The following DNAH8 variants were observed in gnomAD, a reference collection of about 807,000 sequenced individuals.
DNAH8 encodes the protein axonemal beta dynein heavy chain 8.
Under a neutral mutation model 562.1 loss-of-function variants are expected in DNAH8, and 382 were observed. That is an observed-to-expected ratio of 0.68 (90% CI 0.63 to 0.74). The LOEUF (loss-of-function observed/expected upper bound fraction) is 0.74, where lower values mean the gene tolerates loss of function less well. Ranked by LOEUF, DNAH8 falls within the 30% of genes least tolerant of loss-of-function variation. The pLI is 0.00. For synonymous variants in DNAH8, 1,881 were observed against 1,919.4 expected, an observed-to-expected ratio of 0.98 and a Z score of 0.52; for missense variants, 5,203 against 5,620.4, an observed-to-expected ratio of 0.93 and a Z score of 2.37.
chr6:38,720,492 A>G (rs1436803121), intron 1 of DNAH8, among the ~76,000 whole-genome samples: 2 of 152,210 alleles, frequency 1.3e-5, no homozygotes, highest in Admixed American at 6.5e-5. Flanking sequence ...CTGATTGTTT[A>G]CTAGAACCGA....
intron 88 of DNAH8, among the ~76,000 whole-genome samples, chr6:39,001,705 G>A (rs1765497371): frequency 6.6e-6 from 1 of 152,210 alleles, no homozygotes; most frequent in Admixed American, 6.5e-5. Context: ...TGTATGCCAT[G>A]TGAAAGACTT....
chr6:38,793,934 A>G (rs1769990306), intron 21 of DNAH8, among the ~76,000 whole-genome samples: 2 of 152,268 alleles, frequency 1.3e-5, no homozygotes, highest in Non-Finnish European at 2.9e-5. Context: ...GAGCTAATGC[A>G]CACACATCTA....
intron 82 of DNAH8, among the ~76,000 whole-genome samples, chr6:38,963,253 C>CTTTT (rs57083753): frequency 9.7e-5 from 10 of 102,614 alleles, no homozygotes; most frequent in East Asian, 3.2e-4. Context: ...AGTCCTTTTT[C>CTTTT]TTTTTTTTTT....
At chr6:38,942,599 A>G (rs6919590) in intron 79 of DNAH8, among the ~76,000 whole-genome samples, 47,221 of 152,146 alleles carry the variant, frequency 0.31, 7,516 homozygotes, top group East Asian at 0.39. Context: ...AGCAGAGACT[A>G]GAGGTCAAAC....
intron 88 of DNAH8, among the ~76,000 whole-genome samples, chr6:38,992,024 G>A: frequency 6.6e-6 from 1 of 151,972 alleles, no homozygotes; most frequent in East Asian, 1.9e-4. Flanking sequence ...GGAGTGCAAT[G>A]GCACGATCTT....
chr6:38,805,523 G>A lies in DNAH8; in HGVS notation c.3077G>A (p.Gly1026Asp), dbSNP rs775166742. Residue 1026 changes from glycine to aspartate, a missense_variant, in exon 23 of 93, where the codon GGT (glycine) becomes GAT (aspartate). Coordinates refer to ENST00000327475, the MANE Select transcript of DNAH8 (RefSeq NM_001206927.2). ...GTTTTTGGAAGTGAAACAGGAGAGG[G>A]TGAAAACAATGACTATGAAGCTAAT... ...HVVFGSETGE[G>D]ENNDYEANIV... is the part of the protein sequence containing the mutation. The A allele has an allele frequency of 3.1e-6, 5 of 1,610,676 alleles. No homozygotes were observed. Among genetic ancestry groups the A allele is most frequent in the Non-Finnish European group, 4.2e-6 (5 of 1,177,348 alleles).
At chr6:38,732,595 G>T (rs914679303) in intron 4 of DNAH8, among the ~76,000 whole-genome samples, 1 of 152,202 alleles carries the variant, frequency 6.6e-6, no homozygotes, top group Admixed American at 6.5e-5. Flanking sequence ...GAACAATCAG[G>T]TCTCGGGAAG....
At chr6:38,850,752 C>T (rs1021727002) in intron 38 of DNAH8, among the ~76,000 whole-genome samples, 1 of 152,168 alleles carries the variant, frequency 6.6e-6, no homozygotes, top group Non-Finnish European at 1.5e-5. Flanking sequence ...TCCCTTGCCT[C>T]TTTTGGCTTC....
At chr6:38,728,986 A>T (rs963324453) in intron 3 of DNAH8, among the ~76,000 whole-genome samples, 1 of 152,114 alleles carries the variant, frequency 6.6e-6, no homozygotes, top group Non-Finnish European at 1.5e-5. Context: ...CAGGAGCATC[A>T]CTTGAGGTCA....
chr6:38,796,229 G>A (rs1279556853), intron 21 of DNAH8, among the ~76,000 whole-genome samples: 8 of 152,172 alleles, frequency 5.3e-5, no homozygotes, highest in African/African-American at 1.7e-4. Context: ...AGCCAGCCCC[G>A]TGTGCCTTTC....
At chr6:38,965,706 C>T (rs1355068229) in intron 82 of DNAH8, among the ~76,000 whole-genome samples, 1 of 152,158 alleles carries the variant, frequency 6.6e-6, no homozygotes, top group Non-Finnish European at 1.5e-5. Flanking sequence ...CCTGCATACA[C>T]GCTTCTCTTG....
intron 63 of DNAH8, 138 bp downstream of exon 63, chr6:38,906,545 C>A: frequency 3.0e-6 from 2 of 671,490 alleles, no homozygotes; most frequent in Non-Finnish European, 4.5e-6. Context: ...CGAGATTTAG[C>A]AGATTTTCTG....
intron 21 of DNAH8, 83 bp downstream of exon 21, chr6:38,791,757 A>C: frequency 7.0e-7 from 1 of 1,438,434 alleles, no homozygotes; most frequent in Non-Finnish European, 9.5e-7. Context: ...AAAAGTAGAA[A>C]CCTGGGTCAG....
chr6:38,874,992 T>G (rs1222314400), intron 52 of DNAH8, among the ~76,000 whole-genome samples: 1 of 152,240 alleles, frequency 6.6e-6, no homozygotes, highest in Non-Finnish European at 1.5e-5. Context: ...ATTGGCACAC[T>G]TTTTCTTAAA....
At position 38,899,736 on chromosome 6, in the gene DNAH8, A is replaced by G. The variant is rs370578992; in HGVS notation, c.9064-40A>G. 32 of 1,609,178 alleles carry G rather than the reference A, an allele frequency of 2.0e-5. No homozygotes were observed. In the African/African-American group the frequency reaches 3.6e-4, roughly 18 times the overall value. On this transcript the variant is annotated intron_variant, in intron 61 of 92. Transcript: ENST00000327475. ...TAGTGCAAGAAAATGTAAACATTGC[A>G]TTCTTTTTTCAAATAAGCACGTTTT...
At chr6:38,794,856 G>C (rs997348507) in intron 21 of DNAH8, among the ~76,000 whole-genome samples, 1 of 73,974 alleles carries the variant, frequency 1.4e-5, no homozygotes, top group African/African-American at 6.1e-5. Context: ...TATATACTAA[G>C]AATTCTTGTA....
chr6:38,847,937 T>G (rs1775427121), intron 36 of DNAH8, among the ~76,000 whole-genome samples: 1 of 152,152 alleles, frequency 6.6e-6, no homozygotes, highest in Admixed American at 6.6e-5. Context: ...ACAGGAGCCC[T>G]GCTATATGGG....
chr6:38,725,782 G>T (rs1763170976), intron 3 of DNAH8, among the ~76,000 whole-genome samples: 1 of 152,134 alleles, frequency 6.6e-6, no homozygotes, highest in African/African-American at 2.4e-5. Flanking sequence ...TGAAGTTCTT[G>T]ATAATTTTTT....
rs577744675 is a variant in DNAH8, at chr6:38,908,422, A to G, written c.9513+302A>G. ...CCTCGTCCAGCTCCACCTCCCATGTAGACATATTAGCTTTACTATAATGTC... is the reference window on the plus strand; with the variant it reads ...CCTCGTCCAGCTCCACCTCCCATGTGGACATATTAGCTTTACTATAATGTC... On this transcript the variant is annotated intron_variant, in intron 64 of 92. Coordinates refer to ENST00000327475, the MANE Select transcript of DNAH8 (RefSeq NM_001206927.2). Among the ~76,000 whole-genome samples the G allele has an allele frequency of 2.0e-5, 3 of 152,350 alleles. No homozygotes were observed. In the East Asian group the frequency reaches 5.8e-4, roughly 29 times the overall value.
Sources: gnomAD v4.1 joint callset for allele counts (sites outside exome capture counted in the v4.1 genomes callset) on GRCh38, gnomAD v4.1.1 for gene constraint, MANE v1.5 for transcripts, NCBI Gene and HGNC (gene_info 2026-07-23, HGNC 2026-07-21) for gene names.